The following DOCK4 variants were observed in gnomAD, a reference collection of about 807,000 sequenced individuals.
DOCK4 encodes dedicator of cytokinesis protein 4.
In DOCK4, 97 loss-of-function variants were observed where a neutral mutation model predicts 268.1. The observed-to-expected ratio is 0.36, with a 90% CI of 0.31 to 0.43. The LOEUF (loss-of-function observed/expected upper bound fraction) is 0.43, where lower values mean the gene tolerates loss of function less well. DOCK4 is among the 20% of genes least tolerant of loss of function. The probability of loss-of-function intolerance (pLI) is 1.00; values close to 1 mark genes in which losing one functional copy is unlikely to be tolerated. For synonymous variants in DOCK4, 954 were observed against 887.2 expected (o/e 1.08, Z -1.34); for missense variants, 2,145 against 2,455.7 (o/e 0.87, Z 2.67).
intron 4 of DOCK4, among the ~76,000 whole-genome samples, chr7:111,995,770 T>C (rs1799909873): frequency 6.6e-6 from 1 of 152,208 alleles, no homozygotes; most frequent in Admixed American, 6.5e-5. Flanking sequence ...TTGATTTTTT[T>C]CCCAACAGAG....
intron 20 of DOCK4, 73 bp from the exon 21 acceptor site, chr7:111,869,728 CTT>C: frequency 8.0e-7 from 1 of 1,254,294 alleles, no homozygotes. Context: ...AAATCCAACT[CTT>C]AACTATATCA....
At chr7:111,906,440 G>A (rs970843245) in intron 13 of DOCK4, among the ~76,000 whole-genome samples, 1 of 152,138 alleles carries the variant, frequency 6.6e-6, no homozygotes, top group Non-Finnish European at 1.5e-5. Flanking sequence ...ATGTGATGAT[G>A]TGTTCTTGGT....
chr7:112,173,954 G>A (rs1395327239), intron 1 of DOCK4, among the ~76,000 whole-genome samples: 1 of 152,016 alleles, frequency 6.6e-6, no homozygotes, highest in Non-Finnish European at 1.5e-5. Context: ...CCACAAGGAG[G>A]GCTCAGAGAT....
chr7:111,835,744 C>G (rs186690591), intron 25 of DOCK4, among the ~76,000 whole-genome samples: 1 of 152,232 alleles, frequency 6.6e-6, no homozygotes, highest in East Asian at 1.9e-4. Flanking sequence ...TAAGTAGAGA[C>G]TAAAAGCCCT....
intron 1 of DOCK4, among the ~76,000 whole-genome samples, chr7:112,057,572 T>A (rs888818712): frequency 4.0e-5 from 6 of 148,344 alleles, no homozygotes; most frequent in Admixed American, 2.7e-4. Context: ...AAAAAAAAAA[T>A]GAATAAGCCT....
rs3214145 is a variant in DOCK4, at chr7:111,834,693, T to TA, written c.2737-8dup. 18,844 of 1,355,508 alleles carry TA rather than the reference T, an allele frequency of 0.014. 22 individuals carry two copies. The highest frequency in any genetic ancestry group is 0.021 in the South Asian group (1,478 of 70,190). The allele number at this position is 1,355,508 out of a possible 1,614,324, so 84.0% of individuals were successfully genotyped here. A position where few individuals can be genotyped will look rare whatever the true frequency, so the allele number is the denominator to read the frequency against. ...GACAAGCAACAAACTCCCCCTAAGTTAAAAAAAAAAAAAGCATACATTTTA... is the reference window on the plus strand; with the variant it reads ...GACAAGCAACAAACTCCCCCTAAGTTAAAAAAAAAAAAAAGCATACATTTTA... On this transcript the variant is annotated splice_region_variant and splice_polypyrimidine_tract_variant and intron_variant, in intron 25 of 52. Transcript: ENST00000428084.
chr7:112,082,148 G>A (rs1412040879), intron 1 of DOCK4, among the ~76,000 whole-genome samples: 2 of 152,138 alleles, frequency 1.3e-5, no homozygotes, highest in Non-Finnish European at 2.9e-5. Context: ...TAGATGCAGA[G>A]GGAACAGTAG....
intron 30 of DOCK4, among the ~76,000 whole-genome samples, chr7:111,793,594 A>G (rs576197933): frequency 3.3e-5 from 5 of 152,360 alleles, no homozygotes; most frequent in South Asian, 2.1e-4. Flanking sequence ...TCATTAATCT[A>G]TTCATTCAGT....
intron 42 of DOCK4, among the ~76,000 whole-genome samples, chr7:111,752,493 A>ATCTT (rs1658098283): frequency 6.6e-6 from 1 of 151,592 alleles, no homozygotes; most frequent in Admixed American, 6.6e-5. Context: ...TATTCTCGTA[A>ATCTT]TCTTTAGTTG....
intron 42 of DOCK4, among the ~76,000 whole-genome samples, chr7:111,753,005 T>TGGC (rs1554581789): frequency 1.9e-5 from 2 of 105,222 alleles, no homozygotes; most frequent in Admixed American, 1.1e-4. Flanking sequence ...GATAAGCTAT[T>TGGC]GGGGGGGGGG....
chr7:112,116,229 A>G (rs1045497818), intron 1 of DOCK4, among the ~76,000 whole-genome samples: 1 of 151,924 alleles, frequency 6.6e-6, no homozygotes, highest in Non-Finnish European at 1.5e-5. Context: ...AGATTTACCT[A>G]TTCTGGATAT....
intron 36 of DOCK4, among the ~76,000 whole-genome samples, chr7:111,770,617 G>A (rs1585932702): frequency 6.6e-6 from 1 of 152,106 alleles, no homozygotes; most frequent in East Asian, 1.9e-4. Flanking sequence ...TCAAGAATAG[G>A]AACCAGAATT....
intron 1 of DOCK4, among the ~76,000 whole-genome samples, chr7:112,010,236 T>C (rs894748216): frequency 6.6e-6 from 1 of 151,796 alleles, no homozygotes; most frequent in East Asian, 1.9e-4. Context: ...AAAGATAAAA[T>C]ATGGTGGAAA....
At chr7:111,982,955 G>T (rs1798722576) in intron 7 of DOCK4, among the ~76,000 whole-genome samples, 1 of 152,178 alleles carries the variant, frequency 6.6e-6, no homozygotes, top group African/African-American at 2.4e-5. Flanking sequence ...AGGCAGTGAT[G>T]ACTTTAACTT....
intron 1 of DOCK4, among the ~76,000 whole-genome samples, chr7:112,117,493 C>T (rs1812288495): frequency 6.6e-6 from 1 of 152,152 alleles, no homozygotes; most frequent in African/African-American, 2.4e-5. Flanking sequence ...ACCTCAGCCT[C>T]CCAAGTAGCT....
intron 1 of DOCK4, among the ~76,000 whole-genome samples, chr7:112,089,599 A>T (rs1809436589): frequency 6.6e-6 from 1 of 152,172 alleles, no homozygotes; most frequent in African/African-American, 2.4e-5. Flanking sequence ...GTCCCTGCCC[A>T]TATCTCATGT....
intron 12 of DOCK4, among the ~76,000 whole-genome samples, chr7:111,925,792 G>C (rs1793563573): frequency 2.0e-5 from 3 of 152,058 alleles, no homozygotes; most frequent in Admixed American, 6.5e-5. Flanking sequence ...AAAATGAAAA[G>C]AAAGAAAAAA....
At position 111,940,248 on chromosome 7, in the gene DOCK4, C is replaced by A; in HGVS notation, c.845-6G>T. The A allele has an allele frequency of 6.2e-7, 1 of 1,613,860 alleles. No homozygotes were observed. ...TTCTCCTGCTCCCATTCGACCTGTT[C>A]AATTAAAGAGCAATCATTAACCCAT... On this transcript the variant is annotated splice_polypyrimidine_tract_variant and splice_region_variant and intron_variant, in intron 10 of 52. Coordinates refer to ENST00000428084, the MANE Select transcript of DOCK4 (RefSeq NM_001363540.2).
In DOCK4 at chr7:112,147,451, T is replaced by C. The variant is rs529768850; in HGVS notation, c.37+58651A>G. 7.2e-5 allele frequency among the ~76,000 whole-genome samples: 11 copies of C among 152,330 alleles called. No individual in the cohort carries two copies. In the South Asian group the frequency reaches 2.3e-3, roughly 32 times the overall value. ...CTCTGTCCTGGATCCACCTGACCTG[T>C]AACATTTCCCTTTGGGCTTAACAGA... On this transcript the variant is annotated intron_variant, in intron 1 of 52. Coordinates refer to ENST00000428084, the MANE Select transcript of DOCK4 (RefSeq NM_001363540.2).
Sources: allele counts gnomAD v4.1 joint callset (sites outside exome capture counted in the v4.1 genomes callset), GRCh38; gene constraint gnomAD v4.1.1; transcripts MANE v1.5; gene names NCBI Gene and HGNC (gene_info 2026-07-23, HGNC 2026-07-21).